The following CACNA1E variants were observed in gnomAD, a reference collection of about 807,000 sequenced individuals.
CACNA1E encodes the protein voltage-dependent R-type calcium channel subunit alpha-1E.
In CACNA1E, 40 loss-of-function variants were observed where a neutral mutation model predicts 259.2. The ratio of observed to expected loss-of-function variants is 0.15; its 90% CI spans 0.12 to 0.20. The LOEUF (loss-of-function observed/expected upper bound fraction) is 0.20, where lower values mean the gene tolerates loss of function less well. Ranked by LOEUF, CACNA1E falls within the 10% of genes least tolerant of loss-of-function variation. The pLI is 1.00. For missense variants in CACNA1E, 1,874 were observed against 3,040.1 expected (o/e 0.62, Z 9.02); for synonymous variants, 1,104 against 1,138.5 (o/e 0.97, Z 0.61).
At chr1:181,765,943 A>G (rs1250030871) in intron 34 of CACNA1E, among the ~76,000 whole-genome samples, 1 of 152,204 alleles carries the variant, frequency 6.6e-6, no homozygotes, top group Non-Finnish European at 1.5e-5. Flanking sequence ...GCTTCATGGC[A>G]GAGTTTTTTG....
At position 181,731,205 on chromosome 1, in the gene CACNA1E, G is replaced by A. The variant is rs1655443138; in HGVS notation, c.2271G>A (p.Ser757=). Residue 757 remains serine (S), a synonymous_variant, in exon 19 of 48, where the codon TCG becomes TCA. Transcript: ENST00000367573. ...ACAGAAGGAGAAGACACCACATGTC[G>A]ATGTGGGAGCCACGCAGCAGCCACC... The part of the protein sequence containing the change: ...ERDRRRRHHM[S]MWEPRSSHLR... 5.0e-6 allele frequency: 8 copies of A among 1,613,674 alleles called. No individual in the cohort carries two copies. Among genetic ancestry groups the A allele is most frequent in the South Asian group, 1.1e-5 (1 of 91,062 alleles).
intron 2 of CACNA1E, among the ~76,000 whole-genome samples, chr1:181,439,332 GAT>G (rs1491116588): frequency 4.3e-5 from 4 of 93,074 alleles, no homozygotes; most frequent in Non-Finnish European, 6.4e-5. Context: ...CCCAAATTTA[GAT>G]TTTTTTTTTT....
intron 1 of CACNA1E, among the ~76,000 whole-genome samples, chr1:181,354,602 C>T (rs962245370): frequency 1.3e-5 from 2 of 152,176 alleles, no homozygotes; most frequent in African/African-American, 4.8e-5. Context: ...GTTGTCTGCA[C>T]CTTCCCACAG....
chr1:181,423,427 T>C (rs1188395935), intron 2 of CACNA1E, among the ~76,000 whole-genome samples: 2 of 152,184 alleles, frequency 1.3e-5, no homozygotes, highest in African/African-American at 4.8e-5. Flanking sequence ...GCTGGTGCTT[T>C]ATGTGAAGGT....
chr1:181,766,415 A>G (rs1659029081), intron 34 of CACNA1E, 131 bp from the exon 35 acceptor site: 1 of 677,816 alleles, frequency 1.5e-6, no homozygotes, highest in African/African-American at 1.8e-5. Flanking sequence ...GAACAACCCC[A>G]GGGAATAGGG....
At chr1:181,399,883 C>T (rs1656967553) in intron 1 of CACNA1E, among the ~76,000 whole-genome samples, 1 of 152,168 alleles carries the variant, frequency 6.6e-6, no homozygotes, top group Non-Finnish European at 1.5e-5. Flanking sequence ...TCATGGATAT[C>T]ATTGCCTGGG....
At chr1:181,682,712 A>C (rs981707933) in intron 7 of CACNA1E, among the ~76,000 whole-genome samples, 1 of 152,224 alleles carries the variant, frequency 6.6e-6, no homozygotes, top group East Asian at 1.9e-4. Context: ...AAGTTAAAGC[A>C]GGAGCTGGCA....
intron 1 of CACNA1E, among the ~76,000 whole-genome samples, chr1:181,375,316 A>G (rs745443745): frequency 3.3e-5 from 5 of 152,184 alleles, no homozygotes; most frequent in Non-Finnish European, 1.5e-5. Flanking sequence ...GAATGTGCAC[A>G]TTATGCTTAT....
At chr1:181,498,269 C>T (rs1664946648) in intron 1 of CACNA1E, among the ~76,000 whole-genome samples, 1 of 152,136 alleles carries the variant, frequency 6.6e-6, no homozygotes, top group Admixed American at 6.6e-5. Context: ...CTGATAAAGA[C>T]TATAGAAGAG....
rs1454740544 is a variant in CACNA1E at position 181,732,952 on chromosome 1, G to A, written c.2866G>A (p.Gly956Arg). Residue 956 changes from glycine to arginine, a missense_variant, in exon 20 of 48, where the codon GGG (glycine) becomes AGG (arginine). Gly to Arg is a moderately radical substitution (Grantham distance 125). Transcript: ENST00000367573. The surrounding 1 kb of genome is among the most constrained non-coding windows in gnomAD (Gnocchi z 5.5). Reference sequence around the variant, plus strand: ...TCTGGATGAAGCCATGCCCACTGAAGGGGAGAAGGACCATGAGCTCAGGGG... The same window carrying A: ...TCTGGATGAAGCCATGCCCACTGAAAGGGAGAAGGACCATGAGCTCAGGGG... ...RSLDEAMPTEGEKDHELRGNH... is the reference protein window; with the variant it reads ...RSLDEAMPTEREKDHELRGNH... 6.2e-7 allele frequency: 1 copy of A among 1,614,054 alleles called. No homozygotes were observed. The highest frequency in any genetic ancestry group is 1.1e-5 in the South Asian group (1 of 91,088).
intron 6 of CACNA1E, among the ~76,000 whole-genome samples, chr1:181,598,944 A>T (rs546449364): frequency 1.3e-3 from 195 of 147,334 alleles, no homozygotes; most frequent in African/African-American, 2.0e-3. Flanking sequence ...TTTTTTTTTT[A>T]AATTTCTAAA....
At position 181,414,487 on chromosome 1, in the gene CACNA1E, C is replaced by T. The variant is rs540162769; in HGVS notation, c.434+907C>T. 1.4e-4 allele frequency among the ~76,000 whole-genome samples: 22 copies of T among 152,262 alleles called. No individual in the cohort carries two copies. The South Asian group carries it at 4.2e-3, about 29-fold the overall frequency. Reference sequence around the variant, plus strand: ...ATAAGGATGTTAATGTTTGTTAGTTCGCTCATTCATTCATTCAGTGAGTCC... The same window carrying T: ...ATAAGGATGTTAATGTTTGTTAGTTTGCTCATTCATTCATTCAGTGAGTCC... On this transcript the variant is annotated intron_variant, in intron 2 of 11. Coordinates refer to the CACNA1E transcript ENST00000524607.
chr1:181,607,760 T>G (rs1229091683), intron 6 of CACNA1E, among the ~76,000 whole-genome samples: 1 of 152,086 alleles, frequency 6.6e-6, no homozygotes, highest in Non-Finnish European at 1.5e-5. Context: ...AGATGAGCAA[T>G]TGCTCTTAAC....
intron 1 of CACNA1E, among the ~76,000 whole-genome samples, chr1:181,368,178 C>T (rs553858735): frequency 1.1e-4 from 16 of 151,552 alleles, no homozygotes; most frequent in South Asian, 2.1e-4. Flanking sequence ...TGCGGTGAGC[C>T]GAGATCATGC....
chr1:181,444,422 T>TG (rs1660685468), intron 2 of CACNA1E, among the ~76,000 whole-genome samples: 1 of 151,644 alleles, frequency 6.6e-6, no homozygotes, highest in Non-Finnish European at 1.5e-5. Flanking sequence ...GGAACTGCTA[T>TG]GGGGGGAAAG....
intron 3 of CACNA1E, among the ~76,000 whole-genome samples, chr1:181,557,715 C>T (rs912502152): frequency 6.6e-6 from 1 of 152,184 alleles, no homozygotes; most frequent in African/African-American, 2.4e-5. Context: ...CATAGCTTTG[C>T]TCATGTTATC....
At chr1:181,415,489 GAGA>G (rs1658199318) in intron 2 of CACNA1E, among the ~76,000 whole-genome samples, 2 of 152,148 alleles carry the variant, frequency 1.3e-5, no homozygotes, top group Admixed American at 6.5e-5. Flanking sequence ...TGAAGGAGGT[GAGA>G]AGGAGTAGAA....
chr1:181,618,910 A>G (rs2103152310), intron 6 of CACNA1E, among the ~76,000 whole-genome samples: 1 of 152,356 alleles, frequency 6.6e-6, no homozygotes, highest in Non-Finnish European at 1.5e-5. Context: ...CTGGCCCTAA[A>G]GTACTACAAA....
chr1:181,506,128 A>G (rs761783453), intron 1 of CACNA1E, among the ~76,000 whole-genome samples: 1 of 152,212 alleles, frequency 6.6e-6, no homozygotes, highest in Non-Finnish European at 1.5e-5. Flanking sequence ...ACAGACTTCC[A>G]TCTTGTCCCT....
Sources: allele counts gnomAD v4.1 joint callset (sites outside exome capture counted in the v4.1 genomes callset), GRCh38; gene constraint gnomAD v4.1.1; non-coding constraint Gnocchi (gnomAD v3.1); transcripts MANE v1.5; gene names NCBI Gene and HGNC (gene_info 2026-07-23, HGNC 2026-07-21).